Variants in ITGB6 observed in about 807,000 individuals in gnomAD.
The protein encoded by ITGB6 is integrin subunit beta 6, also known as integrin beta-6.
In ITGB6, 80 loss-of-function variants were observed where a neutral mutation model predicts 84.5. That is an observed-to-expected ratio of 0.95 (90% CI 0.79 to 1.14). The LOEUF (loss-of-function observed/expected upper bound fraction) is 1.14. Ranked by LOEUF, ITGB6 falls within the 50% of genes most tolerant of loss-of-function variation. ITGB6 has a pLI of 0.00. For synonymous variants in ITGB6, 383 were observed against 354.9 expected (o/e 1.08, Z -0.89); for missense variants, 1,006 against 968.0 (o/e 1.04, Z -0.52).
intron 5 of ITGB6, among the ~76,000 whole-genome samples, chr2:160,173,483 T>A (rs1175950380): frequency 3.3e-5 from 5 of 152,220 alleles, no homozygotes; most frequent in African/African-American, 1.2e-4. Context: ...AGGGGAATAA[T>A]TCTTGTGGAT....
In ITGB6 at chr2:160,137,622, T is replaced by C. The variant is rs1683800260; in HGVS notation, c.1472A>G (p.Glu491Gly). Residue 491 changes from glutamate (E) to glycine (G), a missense_variant, in exon 10 of 15, where the codon GAG becomes GGG. By Grantham distance (98) the Glu-to-Gly change is moderately conservative (BLOSUM62 -2). Transcript: ENST00000283249. Reference sequence around the variant, plus strand: ...TGTGCTCAGCATGTCCTCGCCACACTCACAGCGAGGCCCCATGTGGCCAGG... The same window carrying C: ...TGTGCTCAGCATGTCCTCGCCACACCCACAGCGAGGCCCCATGTGGCCAGG... ...CHPGHMGPRC[E>G]CGEDMLSTDS... 6.2e-7 allele frequency: 1 copy of C among 1,614,156 alleles called. No homozygotes were observed. Among genetic ancestry groups the C allele is most frequent in the Non-Finnish European group, 8.5e-7 (1 of 1,180,014 alleles).
At chr2:160,166,932 T>G (rs1484239982) in intron 7 of ITGB6, among the ~76,000 whole-genome samples, 1 of 152,246 alleles carries the variant, frequency 6.6e-6, no homozygotes. Flanking sequence ...TCATTTTTCC[T>G]GCATTCCATG....
intron 13 of ITGB6, among the ~76,000 whole-genome samples, chr2:160,108,433 GT>G (rs766621161): frequency 6.6e-6 from 1 of 152,158 alleles, no homozygotes; most frequent in South Asian, 2.1e-4. Context: ...CAGTAGTCTG[GT>G]TTTGGGGAAG....
chr2:160,199,225 T>C lies in ITGB6; in HGVS notation c.95A>G (p.Glu32Gly). ...CTGAGGTCCAATAAGCAGGCAGTCT[T>C]CACAGGTTTCTGCACCTCCCAGGGC... The part of the protein sequence containing the change: ...GCALGGAETC[E>G]DCLLIGPQCA... The change falls in exon 2 of 15, where the codon GAA becomes GGA. Residue 32 changes from glutamate (E) to glycine (G), a missense_variant. By Grantham distance (98) the Glu-to-Gly change is moderately conservative. Transcript: ENST00000283249. 3 of 1,614,138 alleles carry C rather than the reference T, an allele frequency of 1.9e-6. No homozygotes were observed. The highest frequency in any genetic ancestry group is 2.5e-6 in the Non-Finnish European group (3 of 1,179,992).
chr2:160,147,370 C>T (rs1311771819), intron 7 of ITGB6, among the ~76,000 whole-genome samples: 1 of 151,982 alleles, frequency 6.6e-6, no homozygotes, highest in South Asian at 2.1e-4. Flanking sequence ...AAGCACTACC[C>T]ATAAAGGAAA....
intron 4 of ITGB6, among the ~76,000 whole-genome samples, chr2:160,182,409 C>T (rs1685715542): frequency 6.6e-6 from 1 of 151,988 alleles, no homozygotes; most frequent in Admixed American, 6.6e-5. Flanking sequence ...TGAAGATCAA[C>T]TTAATGAAAT....
At chr2:160,175,637 C>A (rs148243409) in intron 4 of ITGB6, among the ~76,000 whole-genome samples, 1 of 152,198 alleles carries the variant, frequency 6.6e-6, no homozygotes, top group Non-Finnish European at 1.5e-5. Context: ...TGCAAGAAGG[C>A]TGTGATGTGT....
At chr2:160,119,629 C>G (rs1386408410) in intron 12 of ITGB6, among the ~76,000 whole-genome samples, 1 of 152,006 alleles carries the variant, frequency 6.6e-6, no homozygotes, top group African/African-American at 2.4e-5. Context: ...GTCTAAAACA[C>G]CAAAAGCAAT....
intron 12 of ITGB6, among the ~76,000 whole-genome samples, chr2:160,119,014 G>C (rs1375023500): frequency 2.0e-5 from 3 of 152,154 alleles, no homozygotes; most frequent in Non-Finnish European, 4.4e-5. Context: ...TGAAATAAAA[G>C]AGGATACAAA....
chr2:160,130,196 A>G (rs142433683), intron 10 of ITGB6, among the ~76,000 whole-genome samples: 3 of 152,274 alleles, frequency 2.0e-5, no homozygotes, highest in Admixed American at 1.3e-4. Flanking sequence ...GTGTATCTAG[A>G]CATAGAAAAG....
intron 12 of ITGB6, among the ~76,000 whole-genome samples, chr2:160,118,750 G>T (rs1218512871): frequency 6.6e-6 from 1 of 150,894 alleles, no homozygotes; most frequent in African/African-American, 2.4e-5. Flanking sequence ...TGATGTGATT[G>T]TATATCTAGA....
intron 10 of ITGB6, among the ~76,000 whole-genome samples, chr2:160,134,045 A>T (rs1323048383): frequency 6.6e-6 from 1 of 152,214 alleles, no homozygotes; most frequent in African/African-American, 2.4e-5. Context: ...GGCAAGAAAT[A>T]ACTAAGATCA....
At chr2:160,121,989 G>T (rs988966118) in intron 12 of ITGB6, among the ~76,000 whole-genome samples, 1 of 151,204 alleles carries the variant, frequency 6.6e-6, no homozygotes, top group Non-Finnish European at 1.5e-5. Context: ...AATATTATGC[G>T]ATCATTTCAA....
chr2:160,196,373 T>G lies in ITGB6; in HGVS notation c.189A>C (p.Ala63=). ...SGVGERCDTP[A]NLLAKGCQLN... ...ATTGACATCCTTTAGCTAAAAGGTT[T>G]GCTGGGGTATCACACCTTTCGCCAA... The change falls in exon 3 of 15, where the codon GCA becomes GCC. Residue 63 remains alanine, a synonymous_variant. Coordinates refer to ENST00000283249, the MANE Select transcript of ITGB6 (RefSeq NM_000888.5). The G allele has an allele frequency of 6.2e-7, 1 of 1,614,096 alleles. No individual in the cohort carries two copies. The highest frequency in any genetic ancestry group is 8.5e-7 in the Non-Finnish European group (1 of 1,180,000).
chr2:160,177,643 G>C (rs545566326), intron 4 of ITGB6, among the ~76,000 whole-genome samples: 1 of 151,440 alleles, frequency 6.6e-6, no homozygotes, highest in East Asian at 1.9e-4. Flanking sequence ...TTTTGTTCAT[G>C]GTGTTTTTGG....
intron 7 of ITGB6, among the ~76,000 whole-genome samples, chr2:160,168,458 G>C (rs1685086974): frequency 6.6e-6 from 1 of 152,142 alleles, no homozygotes; most frequent in Admixed American, 6.5e-5. Flanking sequence ...ATTATTTTTA[G>C]GGCCCCTGCT....
At chr2:160,161,139 A>G (rs1264393254) in intron 7 of ITGB6, among the ~76,000 whole-genome samples, 1 of 152,166 alleles carries the variant, frequency 6.6e-6, no homozygotes, top group East Asian at 1.9e-4. Context: ...CTGGTGGGAA[A>G]GGACAAGTTT....
chr2:160,122,333 G>C (rs912389213), intron 12 of ITGB6, among the ~76,000 whole-genome samples: 3 of 152,112 alleles, frequency 2.0e-5, no homozygotes, highest in Non-Finnish European at 2.9e-5. Flanking sequence ...CTTAAATATA[G>C]TAAGTACCTT....
chr2:160,117,481 A>G (rs1428847907), intron 12 of ITGB6, among the ~76,000 whole-genome samples: 1 of 152,242 alleles, frequency 6.6e-6, no homozygotes, highest in Non-Finnish European at 1.5e-5. Context: ...ACAAAGAAAC[A>G]ACATACCAGA....
Sources: gnomAD v4.1 joint callset for allele counts (sites outside exome capture counted in the v4.1 genomes callset) on GRCh38, gnomAD v4.1.1 for gene constraint, MANE v1.5 for transcripts, NCBI Gene and HGNC (gene_info 2026-07-23, HGNC 2026-07-21) for gene names.